ADARB2: variants seen among roughly 807,000 people sequenced by gnomAD.
ADARB2 encodes adenosine deaminase RNA specific B2 (inactive), also known as inactive double-stranded RNA-specific editase B2.
ADARB2 carries 25 observed loss-of-function variants against 62.2 expected under a neutral mutation model. That is an observed-to-expected ratio of 0.40 (90% CI 0.29 to 0.56). The LOEUF (loss-of-function observed/expected upper bound fraction) is 0.56, where lower values mean the gene tolerates loss of function less well. Among genes scored for constraint, ADARB2 ranks in the 20% least tolerant of loss-of-function variants. The probability of loss-of-function intolerance (pLI) is 0.43; values close to 1 mark genes in which losing one functional copy is unlikely to be tolerated. For missense variants in ADARB2, 1,071 were observed against 1,077.4 expected (o/e 0.99, Z 0.08); for synonymous variants, 572 against 500.8 (o/e 1.14, Z -1.90).
At chr10:1,523,599 A>G (rs1057396135) in intron 1 of ADARB2, among the ~76,000 whole-genome samples, 4 of 152,164 alleles carry the variant, frequency 2.6e-5, no homozygotes, top group Non-Finnish European at 4.4e-5. Flanking sequence ...CAGATTCTCC[A>G]CTCATCATTA....
At chr10:1,300,892 A>G (rs1831566751) in intron 3 of ADARB2, among the ~76,000 whole-genome samples, 1 of 152,186 alleles carries the variant, frequency 6.6e-6, no homozygotes, top group Non-Finnish European at 1.5e-5. Flanking sequence ...AGGTGCTTAG[A>G]AGATAAAGCA....
At chr10:1,342,885 T>C (rs1167729327) in intron 3 of ADARB2, among the ~76,000 whole-genome samples, 6 of 152,218 alleles carry the variant, frequency 3.9e-5, no homozygotes, top group Admixed American at 3.9e-4. Context: ...AAGAGCCTTG[T>C]TTGTGAATCA....
chr10:1,390,312 T>G (rs1832559308), intron 1 of ADARB2, among the ~76,000 whole-genome samples: 1 of 152,126 alleles, frequency 6.6e-6, no homozygotes, highest in Admixed American at 6.5e-5. Context: ...GCTTGTAGAT[T>G]GTGGGGAAGA....
chr10:1,312,800 C>T (rs539369981), intron 3 of ADARB2, among the ~76,000 whole-genome samples: 95 of 152,350 alleles, frequency 6.2e-4, no homozygotes, highest in African/African-American at 2.2e-3. Flanking sequence ...CACACAGCTG[C>T]CATGCAGTGC....
chr10:1,192,219 T>C (rs1295162631), intron 8 of ADARB2, among the ~76,000 whole-genome samples: 1 of 152,244 alleles, frequency 6.6e-6, no homozygotes. Context: ...AATTTTTACA[T>C]GCAGTGAGGC....
At chr10:1,613,476 C>A (rs1833595299) in intron 1 of ADARB2, among the ~76,000 whole-genome samples, 1 of 152,232 alleles carries the variant, frequency 6.6e-6, no homozygotes, top group Admixed American at 6.5e-5. Flanking sequence ...TGAAAATCCA[C>A]CCCAGCAGCA....
At chr10:1,479,392 C>T (rs903744790) in intron 1 of ADARB2, among the ~76,000 whole-genome samples, 1 of 152,172 alleles carries the variant, frequency 6.6e-6, no homozygotes, top group African/African-American at 2.4e-5. Context: ...CCTTTCAGAC[C>T]CTCGGCCTCA....
At chr10:1,223,107 A>C (rs1235197207) in intron 6 of ADARB2, among the ~76,000 whole-genome samples, 1 of 152,042 alleles carries the variant, frequency 6.6e-6, no homozygotes, top group East Asian at 1.9e-4. Flanking sequence ...TGTGGTTTGT[A>C]GTTCTCCTTG....
At chr10:1,327,286 C>T (rs1402341696) in intron 3 of ADARB2, among the ~76,000 whole-genome samples, 3 of 66,436 alleles carry the variant, frequency 4.5e-5, no homozygotes, top group Non-Finnish European at 6.9e-5. Context: ...CGCCTCCTCA[C>T]TGCCCAGCGC....
At chr10:1,186,449 C>G in intron 8 of ADARB2, 1 of 517,882 alleles carries the variant, frequency 1.9e-6, no homozygotes, top group South Asian at 1.4e-5. Context: ...GATCCCTTGT[C>G]CCATTGGTGC....
intron 4 of ADARB2, among the ~76,000 whole-genome samples, chr10:1,246,680 C>A (rs1333970910): frequency 1.3e-5 from 1 of 74,980 alleles, no homozygotes; most frequent in Non-Finnish European, 2.8e-5. Context: ...GGGCTCTGTT[C>A]TGTTCCATTG....
chr10:1,669,245 TGAG>T (rs1210302948), intron 1 of ADARB2, among the ~76,000 whole-genome samples: 4 of 152,010 alleles, frequency 2.6e-5, no homozygotes, highest in Non-Finnish European at 5.9e-5. Context: ...TAGTGAGGCC[TGAG>T]GAGATGATAC....
intron 1 of ADARB2, among the ~76,000 whole-genome samples, chr10:1,615,810 CCA>C (rs1833624187): frequency 6.6e-6 from 1 of 152,228 alleles, no homozygotes; most frequent in Non-Finnish European, 1.5e-5. Context: ...GTCCTGAATA[CCA>C]CAGTCCCTCC....
At chr10:1,498,453 G>A (rs1323977827) in intron 1 of ADARB2, among the ~76,000 whole-genome samples, 1 of 151,840 alleles carries the variant, frequency 6.6e-6, no homozygotes, top group East Asian at 1.9e-4. Context: ...AAACTATTTG[G>A]AGTGATCTCA....
chr10:1,235,279 C>T (rs1167483949), intron 5 of ADARB2, among the ~76,000 whole-genome samples: 1 of 134,290 alleles, frequency 7.4e-6, no homozygotes, highest in African/African-American at 2.9e-5. Context: ...AGAACCGTGG[C>T]GAAACGGCTT....
At chr10:1,550,910 G>A (rs1251855043) in intron 1 of ADARB2, among the ~76,000 whole-genome samples, 6 of 152,158 alleles carry the variant, frequency 3.9e-5, no homozygotes, top group Non-Finnish European at 8.8e-5. Context: ...GTGGAGTTCG[G>A]AGACTAAAGG....
chr10:1,252,683 G>A (rs1051691057), intron 4 of ADARB2, among the ~76,000 whole-genome samples: 3 of 150,606 alleles, frequency 2.0e-5, no homozygotes, highest in African/African-American at 7.3e-5. Context: ...AAATCTTCTG[G>A]TGTTTCTGCT....
rs1474725009 is a variant in ADARB2, at chr10:1,600,116, A to G, written c.100+136935T>C. ...CATGAGGACTCCACGTGACAATGCCAGGTTCACCTGAGGGTAGGCCACATG... is the reference window on the plus strand; with the variant it reads ...CATGAGGACTCCACGTGACAATGCCGGGTTCACCTGAGGGTAGGCCACATG... On this transcript the variant is annotated intron_variant, in intron 1 of 9. Transcript: ENST00000381312. 2.7e-4 allele frequency among the ~76,000 whole-genome samples: 41 copies of G among 152,148 alleles called. 1 individual carries two copies. The highest frequency in any genetic ancestry group is 2.7e-3 in the Admixed American group (41 of 15,276).
intron 4 of ADARB2, among the ~76,000 whole-genome samples, chr10:1,242,870 T>A (rs1830940871): frequency 6.6e-6 from 1 of 152,174 alleles, no homozygotes; most frequent in Admixed American, 6.5e-5. Flanking sequence ...ACAAAAATGA[T>A]ACTCTCTTCA....
Sources: allele counts gnomAD v4.1 joint callset (sites outside exome capture counted in the v4.1 genomes callset), GRCh38; gene constraint gnomAD v4.1.1; transcripts MANE v1.5; gene names NCBI Gene and HGNC (gene_info 2026-07-23, HGNC 2026-07-21).